The following RASSF3 variants were observed in gnomAD, a reference collection of about 807,000 sequenced individuals.
RASSF3 encodes the protein Ras association domain family member 3, also known as ras association domain-containing protein 3.
Under a neutral mutation model 19.9 loss-of-function variants are expected in RASSF3, and 19 were observed. The observed-to-expected ratio is 0.96, with a 90% confidence interval of 0.67 to 1.40. The LOEUF (loss-of-function observed/expected upper bound fraction) is 1.40, where lower values mean the gene tolerates loss of function less well. Among genes scored for constraint, RASSF3 ranks in the 40% most tolerant of loss-of-function variants. The probability of loss-of-function intolerance (pLI) is 0.00; values close to 1 mark genes in which losing one functional copy is unlikely to be tolerated. For synonymous variants in RASSF3, 110 were observed against 104.2 expected (o/e 1.06, Z -0.34); for missense variants, 306 against 289.8 (o/e 1.06, Z -0.41).
chr12:64,572,712 A>G (rs1007290940), intron 2 of RASSF3, among the ~76,000 whole-genome samples: 1 of 152,174 alleles, frequency 6.6e-6, no homozygotes, highest in Non-Finnish European at 1.5e-5. Flanking sequence ...AATCACAGAA[A>G]GTAAGTCTAG....
intron 1 of RASSF3, among the ~76,000 whole-genome samples, chr12:64,620,037 T>TGTGTGTGTGTG (rs1565851666): frequency 2.7e-5 from 4 of 148,756 alleles, no homozygotes; most frequent in Non-Finnish European, 6.0e-5. Context: ...TGTGTGTGTG[T>TGTGTGTGTGTG]AGTTTTCTGA....
At chr12:64,530,469 C>T (rs1290022290), upstream of RASSF3, among the ~76,000 whole-genome samples, 1 of 152,044 alleles carries the variant, frequency 6.6e-6, no homozygotes, top group Non-Finnish European at 1.5e-5. Context: ...ATCTATTTTC[C>T]TGTTGATGGA....
At chr12:64,577,813 G>A (rs1869620889) in intron 2 of RASSF3, among the ~76,000 whole-genome samples, 1 of 152,184 alleles carries the variant, frequency 6.6e-6, no homozygotes, top group African/African-American at 2.4e-5. Flanking sequence ...ACCAACATTT[G>A]TTATTGGGCA....
At chr12:64,637,192 C>T (rs532110680) in intron 1 of RASSF3, among the ~76,000 whole-genome samples, 66 of 152,214 alleles carry the variant, frequency 4.3e-4, no homozygotes, top group East Asian at 1.5e-3. Context: ...GAGCAGCAGG[C>T]GCCTTGGGGG....
chr12:64,607,738 T>C (rs542208139), upstream of RASSF3, among the ~76,000 whole-genome samples: 2 of 152,174 alleles, frequency 1.3e-5, no homozygotes, highest in East Asian at 3.9e-4. Flanking sequence ...TATTTGATCA[T>C]GGCTTTTAAA....
chr12:64,507,912 G>A (rs1868301822), intron 1 of RASSF3, among the ~76,000 whole-genome samples: 1 of 152,118 alleles, frequency 6.6e-6, no homozygotes, highest in Non-Finnish European at 1.5e-5. Flanking sequence ...AGGGTCAGAG[G>A]AGAGGGGGTT....
At chr12:64,584,502 A>T (rs76152526) in intron 2 of RASSF3, among the ~76,000 whole-genome samples, 43,498 of 127,678 alleles carry the variant, frequency 0.34, 8,431 homozygotes, top group Non-Finnish European at 0.46. Flanking sequence ...GTCCAGGCTA[A>T]GAAAAAAAAA....
chr12:64,579,814 T>G (rs1330004614), intron 2 of RASSF3, among the ~76,000 whole-genome samples: 3 of 150,358 alleles, frequency 2.0e-5, no homozygotes, highest in Admixed American at 6.6e-5. Context: ...TTTGGGTTTT[T>G]TTTTTTTTTT....
intron 1 of RASSF3, chr12:64,611,674 T>C (rs574458235): frequency 6.6e-6 from 1 of 152,346 alleles, no homozygotes. Flanking sequence ...ATTTGTTGCT[T>C]TTAGAAAACA....
At chr12:64,654,452 C>T (rs577799748) in intron 1 of RASSF3, among the ~76,000 whole-genome samples, 109 of 152,088 alleles carry the variant, frequency 7.2e-4, no homozygotes, top group African/African-American at 2.6e-3. Context: ...AGGCATGAAC[C>T]ACTGCCCCGG....
chr12:64,508,742 G>A (rs1949082478), intron 1 of RASSF3, among the ~76,000 whole-genome samples: 1 of 151,928 alleles, frequency 6.6e-6, no homozygotes, highest in Non-Finnish European at 1.5e-5. Flanking sequence ...AAATTAGCTG[G>A]GTGTGGTAGC....
rs576962354 is a variant in RASSF3, at chr12:64,624,915, C to T, written c.111+14172C>T. Among the ~76,000 whole-genome samples, 82 of 152,038 alleles carry T rather than the reference C, an allele frequency of 5.4e-4. 1 individual carries two copies. Among genetic ancestry groups the T allele is most frequent in the African/African-American group, 1.9e-3 (80 of 41,470 alleles). ...ATCTCCTGACTTCGCGATCTGCCCGCCTCGGCCTCCCAAAGTGCTGGGATT... is the reference window on the plus strand; with the variant it reads ...ATCTCCTGACTTCGCGATCTGCCCGTCTCGGCCTCCCAAAGTGCTGGGATT... On this transcript the variant is annotated intron_variant, in intron 1 of 4. Coordinates refer to ENST00000542104, the MANE Select transcript of RASSF3 (RefSeq NM_178169.4).
At chr12:64,521,575 A>G (rs887688343) in intron 1 of RASSF3, among the ~76,000 whole-genome samples, 1 of 152,234 alleles carries the variant, frequency 6.6e-6, no homozygotes, top group African/African-American at 2.4e-5. Flanking sequence ...CGTGGATTGT[A>G]TCACCTATGC....
intron 1 of RASSF3, among the ~76,000 whole-genome samples, chr12:64,537,713 C>T (rs1868858296): frequency 6.6e-6 from 1 of 152,146 alleles, no homozygotes; most frequent in Non-Finnish European, 1.5e-5. Flanking sequence ...ACCTGGAAGT[C>T]ATTTTAGAGT....
intron 2 of RASSF3, among the ~76,000 whole-genome samples, chr12:64,565,922 C>T (rs553852281): frequency 2.5e-4 from 38 of 151,158 alleles, no homozygotes; most frequent in Admixed American, 9.2e-4. Flanking sequence ...GTCTTGCAGC[C>T]GGGCGTGGTG....
intron 1 of RASSF3, among the ~76,000 whole-genome samples, chr12:64,645,742 TA>T (rs1871708509): frequency 6.6e-6 from 1 of 152,038 alleles, no homozygotes; most frequent in South Asian, 2.1e-4. Context: ...TTTGAATTTT[TA>T]AAAATTGGGG....
intron 1 of RASSF3, among the ~76,000 whole-genome samples, chr12:64,649,127 C>T (rs1258044270): frequency 6.6e-6 from 1 of 151,764 alleles, no homozygotes; most frequent in Non-Finnish European, 1.5e-5. Context: ...TCTTGAAAAC[C>T]CTCTGGCTTG....
At chr12:64,538,697 C>A (rs1299864721) in intron 1 of RASSF3, among the ~76,000 whole-genome samples, 5 of 151,938 alleles carry the variant, frequency 3.3e-5, no homozygotes, top group Non-Finnish European at 7.4e-5. Context: ...TCTCAACAAC[C>A]AAACAGAATT....
At position 64,697,310 on chromosome 12, in the gene RASSF3, C is replaced by A. The variant is rs1194918027; in HGVS notation, c.*2398C>A. ...CTAAGGCCAAAGATTTTTTAAGAATCATTGTACAAATCATTATGTTAAACT... is the reference window on the plus strand; with the variant it reads ...CTAAGGCCAAAGATTTTTTAAGAATAATTGTACAAATCATTATGTTAAACT... On this transcript the variant is annotated 3_prime_UTR_variant, in exon 5 of 5. Transcript: ENST00000542104. 1 of 152,060 alleles carries A rather than the reference C, an allele frequency of 6.6e-6. No homozygotes were observed. The highest frequency in any genetic ancestry group is 2.4e-5 in the African/African-American group (1 of 41,406). The allele number at this position is 152,060 out of a possible 1,614,324, so 9.4% of individuals were successfully genotyped here. A position where few individuals can be genotyped will look rare whatever the true frequency, so the allele number is the denominator to read the frequency against.
Sources: allele counts gnomAD v4.1 joint callset (sites outside exome capture counted in the v4.1 genomes callset), GRCh38; gene constraint gnomAD v4.1.1; transcripts MANE v1.5; gene names NCBI Gene and HGNC (gene_info 2026-07-23, HGNC 2026-07-21).